HERC1: variants seen among roughly 807,000 people sequenced by gnomAD.
HERC1 encodes the protein HECT and RLD domain containing E3 ubiquitin protein ligase family member 1.
A neutral mutation model predicts 554.3 loss-of-function variants in HERC1; 160 were observed. The observed-to-expected ratio is 0.29, with a 90% CI of 0.25 to 0.33. The LOEUF is 0.33. HERC1 is among the 10% of genes least tolerant of loss of function. HERC1 has a pLI of 1.00. For synonymous variants in HERC1, 2,175 were observed against 2,131.7 expected, an observed-to-expected ratio of 1.02 and a Z score of -0.56; for missense variants, 4,919 against 5,918.5, an observed-to-expected ratio of 0.83 and a Z score of 5.54.
At chr15:63,771,218 G>A (rs2075946158) in intron 2 of HERC1, among the ~76,000 whole-genome samples, 1 of 151,686 alleles carries the variant, frequency 6.6e-6, no homozygotes, top group Non-Finnish European at 1.5e-5. Context: ...AAGAAACACG[G>A]GTTCTGGAGA....
intron 53 of HERC1, among the ~76,000 whole-genome samples, chr15:63,650,415 A>G (rs1416544496): frequency 6.7e-6 from 1 of 149,786 alleles, no homozygotes; most frequent in African/African-American, 2.4e-5. Flanking sequence ...TTTTTCTGTA[A>G]CCTTTTTTTT....
At chr15:63,709,022 C>T (rs1350216796) in intron 24 of HERC1, among the ~76,000 whole-genome samples, 1 of 152,168 alleles carries the variant, frequency 6.6e-6, no homozygotes, top group Non-Finnish European at 1.5e-5. Context: ...CAGTGTCTCG[C>T]TCTGTCACCC....
intron 61 of HERC1, among the ~76,000 whole-genome samples, 200 bp from the exon 62 acceptor site, chr15:63,638,976 T>C (rs564007184): frequency 2.6e-5 from 4 of 152,340 alleles, no homozygotes; most frequent in African/African-American, 9.6e-5. Flanking sequence ...ATAAACACTT[T>C]CACTATCACT....
At chr15:63,687,525 G>A (rs1022652334) in intron 33 of HERC1, among the ~76,000 whole-genome samples, 38 of 151,118 alleles carry the variant, frequency 2.5e-4, no homozygotes, top group African/African-American at 9.7e-5. Context: ...GTGACAGAGC[G>A]AGACTCTGTC....
In HERC1 at chr15:63,628,745, C is replaced by G; in HGVS notation, c.13037G>C (p.Arg4346Pro). ...GTGGCAGCGGCCAGCCGAGATCTGC[C>G]GAACATTTTTCCCTTGCAGACCTGT... ...LVTGLQGKNVRQISAGRCHSA... is the reference protein window; with the variant it reads ...LVTGLQGKNVPQISAGRCHSA... The change falls in exon 70 of 78, where the codon CGG (arginine) becomes CCG (proline). Residue 4346 changes from arginine to proline, a missense_variant. Arg to Pro is a moderately radical substitution (Grantham distance 103, BLOSUM62 -2). Transcript: ENST00000443617. 6.2e-7 allele frequency: 1 copy of G among 1,613,928 alleles called. No homozygotes were observed. The highest frequency in any genetic ancestry group is 8.5e-7 in the Non-Finnish European group (1 of 1,179,878).
intron 60 of HERC1, 65 bp downstream of exon 60, chr15:63,641,405 G>T: frequency 7.3e-7 from 1 of 1,377,862 alleles, no homozygotes; most frequent in Non-Finnish European, 1.0e-6. Flanking sequence ...ATAAGTTCAA[G>T]GCTATAATCA....
intron 3 of HERC1, among the ~76,000 whole-genome samples, chr15:63,759,198 T>C (rs1160931820): frequency 1.3e-5 from 2 of 152,198 alleles, no homozygotes. Context: ...AAACATACTA[T>C]ACCAAACTGC....
chr15:63,637,216 T>C (rs1421985726), intron 64 of HERC1: 3 of 510,934 alleles, frequency 5.9e-6, no homozygotes, highest in Non-Finnish European at 1.1e-5. Context: ...GCTATTAACA[T>C]CTGCCTACTT....
At chr15:63,609,497 G>A (rs1375924290) in intron 77 of HERC1, among the ~76,000 whole-genome samples, 1 of 152,254 alleles carries the variant, frequency 6.6e-6, no homozygotes, top group Non-Finnish European at 1.5e-5. Context: ...TCCAGTGCCT[G>A]TGTGTGTAAA....
Position 63,829,583 on chromosome 15 carries a change from A to G in HERC1, c.-27+4244T>C, listed in dbSNP as rs1567172154. ...TGTGTATATATATATATATATATAT[A>G]TATATATATATAATATACTGATATA... On this transcript the variant is annotated intron_variant, in intron 1 of 77. Coordinates refer to ENST00000443617, the MANE Select transcript of HERC1 (RefSeq NM_003922.4). 7.3e-5 allele frequency among the ~76,000 whole-genome samples: 10 copies of G among 137,200 alleles called. No homozygotes were observed. In the South Asian group the frequency reaches 1.9e-3, roughly 26 times the overall value. 90.0% of individuals were successfully genotyped at this position (137,200 alleles called of 152,430 possible).
chr15:63,756,646 T>G lies in HERC1; in HGVS notation c.1324A>C (p.Asn442His). The G allele has an allele frequency of 6.2e-7, 1 of 1,613,370 alleles. No homozygotes were observed. Among genetic ancestry groups the G allele is most frequent in the Non-Finnish European group, 8.5e-7 (1 of 1,179,436 alleles). Residue 442 changes from asparagine (N) to histidine (H), a missense_variant, in exon 5 of 78, where the codon AAT (asparagine) becomes CAT (histidine). By Grantham distance (68) the Asn-to-His change is moderately conservative. Coordinates refer to ENST00000443617, the MANE Select transcript of HERC1 (RefSeq NM_003922.4). This position sits in a 1 kb window ranked among gnomAD's most constrained non-coding sequence, Gnocchi z 5.0. The part of the protein sequence containing the change: ...YGRLGLGDSN[N>H]QSTLKKLTFE... ...GTTAACTTTTTTAAAGTTGACTGAT[T>G]ATTGGAGTCTCCAAGGCCCAGTCTC...
chr15:63,784,635 T>A (rs1372501845), intron 1 of HERC1, among the ~76,000 whole-genome samples: 5 of 151,476 alleles, frequency 3.3e-5, no homozygotes, highest in African/African-American at 1.2e-4. Flanking sequence ...TGAGACAGAG[T>A]CTCACTCTGT....
At chr15:63,649,996 C>T (rs941621584) in intron 53 of HERC1, 71 bp from the exon 54 acceptor site, 3 of 1,095,442 alleles carry the variant, frequency 2.7e-6, no homozygotes, top group Middle Eastern at 2.6e-4. Flanking sequence ...GAAACAAATA[C>T]TACTTAATTC....
Position 63,680,589 on chromosome 15 carries a change from G to A in HERC1, c.6413C>T (p.Thr2138Ile). Residue 2138 changes from threonine to isoleucine, a missense_variant, in exon 35 of 78, where the codon ACC becomes ATC. Around this residue, in one of 11 missense-constraint regions of HERC1, gnomAD observed 85 missense variants for 163.2 expected, o/e 0.52. Coordinates refer to ENST00000443617, the MANE Select transcript of HERC1 (RefSeq NM_003922.4). The surrounding 1 kb of genome is among the most constrained non-coding windows in gnomAD (Gnocchi z 5.8). ...CCTGGCTTCCATGTCTAACACACAG[G>A]TAATGAAATCTCCTTGAGTAAAGCT... is the stretch of plus-strand genomic sequence containing the variant. The part of the protein sequence containing the change: ...LSSFTQGDFI[T>I]CVLDMEARTI... 1 of 1,613,680 alleles carries A rather than the reference G, an allele frequency of 6.2e-7. No homozygotes were observed. Among genetic ancestry groups the A allele is most frequent in the Non-Finnish European group, 8.5e-7 (1 of 1,179,702 alleles).
chr15:63,777,314 A>C (rs1371576032), intron 1 of HERC1, among the ~76,000 whole-genome samples: 3 of 152,202 alleles, frequency 2.0e-5, no homozygotes, highest in East Asian at 1.9e-4. Context: ...TATGCACTTA[A>C]GAGGGGGGAA....
At chr15:63,717,213 C>A (rs765294618) in intron 21 of HERC1, among the ~76,000 whole-genome samples, 9 of 152,176 alleles carry the variant, frequency 5.9e-5, no homozygotes, top group Non-Finnish European at 1.2e-4. Flanking sequence ...TCACACAGTA[C>A]ATGTCATTTA....
At chr15:63,795,059 C>G (rs2076770438) in intron 1 of HERC1, among the ~76,000 whole-genome samples, 1 of 83,672 alleles carries the variant, frequency 1.2e-5, no homozygotes, top group African/African-American at 5.1e-5. Context: ...GAGCAAGACT[C>G]TGTCTCAAAA....
chr15:63,677,861 C>T lies in HERC1; in HGVS notation c.7054G>A (p.Ala2352Thr). The change falls in exon 37 of 78, where the codon GCA becomes ACA. Residue 2352 changes from alanine (A) to threonine (T), a missense_variant. Physicochemically the swap from Ala to Thr is moderately conservative, Grantham distance 58. Coordinates refer to ENST00000443617, the MANE Select transcript of HERC1 (RefSeq NM_003922.4). The surrounding 1 kb of genome is among the most constrained non-coding windows in gnomAD (Gnocchi z 4.4). ...AGATCATACCTGATAGTAATTTCTG[C>T]TTCATCCCATTGGACCTTGGCAGAC... ...STSAKVQWDE[A>T]EITISFPTFW... is the part of the protein sequence containing the mutation. 6.2e-7 allele frequency: 1 copy of T among 1,613,526 alleles called. No individual in the cohort carries two copies. The highest frequency in any genetic ancestry group is 1.1e-5 in the South Asian group (1 of 91,010).
At position 63,817,195 on chromosome 15, in the gene HERC1, A is replaced by T. The variant is rs556775233; in HGVS notation, c.-27+16632T>A. 5.6e-4 allele frequency among the ~76,000 whole-genome samples: 86 copies of T among 152,322 alleles called. 2 individuals are homozygous for T. Among genetic ancestry groups the T allele is most frequent in the African/African-American group, 1.9e-3 (79 of 41,568 alleles). On this transcript the variant is annotated intron_variant, in intron 1 of 77. Transcript: ENST00000443617. ...CAAACTACTGTAAAGTATGAACCTT[A>T]TTTGGATGTCACTTCAAGCAAATAA...
Sources: gnomAD v4.1 joint callset for allele counts (sites outside exome capture counted in the v4.1 genomes callset) on GRCh38, gnomAD v4.1.1 for gene constraint, gnomAD v4.1.1 regional missense constraint, Gnocchi (gnomAD v3.1) non-coding constraint, MANE v1.5 for transcripts, NCBI Gene and HGNC (gene_info 2026-07-23, HGNC 2026-07-21) for gene names.